Variants in CCDC60 observed in about 807,000 individuals in gnomAD.
CCDC60 encodes the protein coiled-coil domain containing 60, also known as coiled-coil domain-containing protein 60.
In CCDC60, 54 loss-of-function variants were observed where a neutral mutation model predicts 63.5. The observed-to-expected ratio is 0.85, with a 90% CI of 0.68 to 1.07. CCDC60 has a LOEUF of 1.07. CCDC60 is among the 50% of genes least tolerant of loss of function. The pLI is 0.00. For missense variants in CCDC60, 651 were observed against 684.3 expected (o/e 0.95, Z 0.54); for synonymous variants, 206 against 238.8 (o/e 0.86, Z 1.27).
At chr12:119,385,021 C>T (rs2136188706) in intron 1 of CCDC60, among the ~76,000 whole-genome samples, 1 of 152,342 alleles carries the variant, frequency 6.6e-6, no homozygotes, top group South Asian at 2.1e-4. Context: ...GAGAGGGTGG[C>T]TTTTTCTAAT....
chr12:119,348,746 C>A (rs1160818793), intron 1 of CCDC60, among the ~76,000 whole-genome samples: 1 of 152,138 alleles, frequency 6.6e-6, no homozygotes. Flanking sequence ...TATGTAATGC[C>A]AGGCTCTTTT....
rs139830518 is a variant in CCDC60 at position 119,530,968 on chromosome 12, C to G, written c.1456C>G (p.Leu486Val). 1.9e-6 allele frequency: 3 copies of G among 1,614,046 alleles called. No homozygotes were observed. In the African/African-American group the frequency reaches 4.0e-5, roughly 22 times the overall value. Reference sequence around the variant, plus strand: ...GAAACTGCAGAAGTTTGGAGAAAACCTGGACTTGCGGATTCGACCCCATGT... The same window carrying G: ...GAAACTGCAGAAGTTTGGAGAAAACGTGGACTTGCGGATTCGACCCCATGT... ...LVKLQKFGEN[L>V]DLRIRPHVLL... Residue 486 changes from leucine (L) to valine (V), a missense_variant, in exon 13 of 14, where the codon CTG becomes GTG. Coordinates refer to ENST00000327554, the MANE Select transcript of CCDC60 (RefSeq NM_178499.5).
Position 119,505,162 on chromosome 12 carries a change from T to G in CCDC60, c.742T>G (p.Ser248Ala), listed in dbSNP as rs1256741903. 1 of 1,612,642 alleles carries G rather than the reference T, an allele frequency of 6.2e-7. No homozygotes were observed. Among genetic ancestry groups the G allele is most frequent in the South Asian group, 1.1e-5 (1 of 90,954 alleles). ...CAGTCTGAGTCGGGCCAGTGGGGGGTCCTCTCCCCAGAGCAGCATGATCTC... is the reference window on the plus strand; with the variant it reads ...CAGTCTGAGTCGGGCCAGTGGGGGGGCCTCTCCCCAGAGCAGCATGATCTC... ...TLSLSRASGGSSPQSSMISVN... is the reference protein window; with the variant it reads ...TLSLSRASGGASPQSSMISVN... The change falls in exon 7 of 14, where the codon TCC becomes GCC. Residue 248 changes from serine (S) to alanine (A), a missense_variant. Coordinates refer to ENST00000327554, the MANE Select transcript of CCDC60 (RefSeq NM_178499.5).
intron 11 of CCDC60, among the ~76,000 whole-genome samples, chr12:119,524,906 T>A (rs574094713): frequency 1.3e-5 from 2 of 151,840 alleles, no homozygotes; most frequent in African/African-American, 4.8e-5. Context: ...CCTCAAGCAG[T>A]CCTCTCACCT....
At chr12:119,369,169 G>C in intron 1 of CCDC60, among the ~76,000 whole-genome samples, 1 of 152,276 alleles carries the variant, frequency 6.6e-6, no homozygotes, top group East Asian at 1.9e-4. Flanking sequence ...GACCTTATAC[G>C]AGGCCTTCCT....
chr12:119,374,802 G>T (rs936361227), intron 1 of CCDC60, among the ~76,000 whole-genome samples: 1 of 152,124 alleles, frequency 6.6e-6, no homozygotes, highest in East Asian at 1.9e-4. Context: ...AGAACTGAGG[G>T]TTCCTCCTCC....
In CCDC60 at chr12:119,399,452, G is replaced by A. The variant is rs569810268; in HGVS notation, c.91-29231G>A. ...TTCAGAATAAAGTTCCTTCAAATGA[G>A]TGGCCAATTTCTTTTTTTCCTTTGA... On this transcript the variant is annotated intron_variant, in intron 1 of 13. Transcript: ENST00000327554. Among the ~76,000 whole-genome samples the A allele has an allele frequency of 7.0e-4, 106 of 152,304 alleles. 1 individual carries two copies. The South Asian group carries it at 0.022, about 31-fold the overall frequency.
intron 1 of CCDC60, among the ~76,000 whole-genome samples, chr12:119,391,773 T>G (rs1384960120): frequency 1.3e-5 from 2 of 152,216 alleles, no homozygotes; most frequent in Non-Finnish European, 2.9e-5. Flanking sequence ...TTTTCTGTAT[T>G]AGGATTAGCA....
chr12:119,381,952 T>G (rs1008089416), intron 1 of CCDC60, among the ~76,000 whole-genome samples: 2 of 152,232 alleles, frequency 1.3e-5, no homozygotes, highest in Non-Finnish European at 2.9e-5. Context: ...GTGCAGTAAG[T>G]GAGCACAAAG....
intron 1 of CCDC60, chr12:119,388,290 C>T (rs957803097): frequency 6.6e-6 from 1 of 152,196 alleles, no homozygotes; most frequent in Non-Finnish European, 1.5e-5. Context: ...ATGAGATGAC[C>T]GTGACTGTCA....
chr12:119,533,399 C>G lies in CCDC60; in HGVS notation c.1551+2336C>G, dbSNP rs185017559. On this transcript the variant is annotated intron_variant, in intron 13 of 13. Transcript: ENST00000327554. ...TTCACTATGATGATAGTTTCTTTTGCTGTGCAGAAGCTCTTTAGTTTAATC... is the reference window on the plus strand; with the variant it reads ...TTCACTATGATGATAGTTTCTTTTGGTGTGCAGAAGCTCTTTAGTTTAATC... Among the ~76,000 whole-genome samples, 571 of 152,278 alleles carry G rather than the reference C, an allele frequency of 3.7e-3. 2 individuals are homozygous for G. The highest frequency in any genetic ancestry group is 6.8e-3 in the Middle Eastern group (2 of 294).
chr12:119,358,642 C>T (rs941567949), intron 1 of CCDC60, among the ~76,000 whole-genome samples: 1 of 152,188 alleles, frequency 6.6e-6, no homozygotes. Flanking sequence ...ACCTCTATCA[C>T]CATCAATTAT....
chr12:119,335,881 A>G (rs897235232), intron 1 of CCDC60, among the ~76,000 whole-genome samples: 3 of 151,830 alleles, frequency 2.0e-5, no homozygotes, highest in Non-Finnish European at 4.4e-5. Flanking sequence ...GCCCATGCCT[A>G]TGTCCTGAAT....
chr12:119,380,972 A>G (rs1294335136), intron 1 of CCDC60, among the ~76,000 whole-genome samples: 4 of 152,240 alleles, frequency 2.6e-5, no homozygotes, highest in Admixed American at 2.6e-4. Context: ...TAAGTAAATT[A>G]TAATAAAATT....
rs1952827242 is a variant in CCDC60 at position 119,531,042 on chromosome 12, T to C, written c.1530T>C (p.Pro510=). Residue 510 remains proline, a synonymous_variant, in exon 13 of 14, where the codon CCT becomes CCC. Transcript: ENST00000327554. ...TGAGGATTTGGGAACTGTGCTCCCC[T>C]GACATCGCTGTGGCTATTGAGGTAA... The part of the protein sequence containing the change: ...QDLRIWELCS[P]DIAVAIEFVR... The C allele has an allele frequency of 6.2e-7, 1 of 1,613,886 alleles. No homozygotes were observed. The highest frequency in any genetic ancestry group is 8.5e-7 in the Non-Finnish European group (1 of 1,179,878).
At chr12:119,461,639 T>C (rs1227920897) in intron 2 of CCDC60, among the ~76,000 whole-genome samples, 12 of 152,154 alleles carry the variant, frequency 7.9e-5, no homozygotes, top group Admixed American at 6.5e-4. Flanking sequence ...AACTTTCCAT[T>C]TTATAATCTG....
At position 119,516,614 on chromosome 12, in the gene CCDC60, TCTC is replaced by T. The variant is rs1952360956; in HGVS notation, c.884-8_884-6del. 1.2e-6 allele frequency: 2 copies of T among 1,607,612 alleles called. No homozygotes were observed. The highest frequency in any genetic ancestry group is 1.7e-6 in the Non-Finnish European group (2 of 1,174,548). ...TCTGGTCAAGGGTGACCTCTCATATTCTCATCAGATCTGCAGAAGCTCCTGGAG... is the reference window on the plus strand; with the variant it reads ...TCTGGTCAAGGGTGACCTCTCATATTATCAGATCTGCAGAAGCTCCTGGAG... On this transcript the variant is annotated splice_region_variant and splice_polypyrimidine_tract_variant and intron_variant, in intron 7 of 13. Coordinates refer to ENST00000327554, the MANE Select transcript of CCDC60 (RefSeq NM_178499.5).
rs35584778 is a variant in CCDC60, at chr12:119,506,438, CAAAAAAAAAAAAAA to C, written c.883+1147_883+1160del. The stretch of plus-strand genomic sequence containing the variant: ...GGCAACGTGGTGAAACCTCATCTCT[CAAAAAAAAAAAAAA>C]AAAAAAAAAAATTAGCCATGCATGG... On this transcript the variant is annotated intron_variant, in intron 7 of 13. Transcript: ENST00000327554. Among the ~76,000 whole-genome samples the C allele has an allele frequency of 2.1e-4, 18 of 87,400 alleles. No homozygotes were observed. The South Asian group carries it at 7.4e-3, about 36-fold the overall frequency. The allele number at this position is 87,400 out of a possible 152,430, so 57.3% of individuals were successfully genotyped here.
chr12:119,369,514 G>T (rs1305454721), intron 1 of CCDC60, among the ~76,000 whole-genome samples: 1 of 152,194 alleles, frequency 6.6e-6, no homozygotes, highest in Non-Finnish European at 1.5e-5. Flanking sequence ...GCTAATGTAA[G>T]CTCCCTGGAA....
Sources: gnomAD v4.1 joint callset for allele counts (sites outside exome capture counted in the v4.1 genomes callset) on GRCh38, gnomAD v4.1.1 for gene constraint, MANE v1.5 for transcripts, NCBI Gene and HGNC (gene_info 2026-07-23, HGNC 2026-07-21) for gene names.